Variants in KDR observed in about 807,000 individuals in gnomAD.
KDR encodes vascular endothelial growth factor receptor 2.
In KDR, 43 loss-of-function variants were observed where a neutral mutation model predicts 160.9. That is an observed-to-expected ratio of 0.27 (90% CI 0.21 to 0.34). KDR has a LOEUF of 0.34. KDR is among the 10% of genes least tolerant of loss of function. KDR has a pLI of 1.00. For missense variants in KDR, 1,469 were observed against 1,666.4 expected (o/e 0.88, Z 2.06); for synonymous variants, 617 against 600.1 (o/e 1.03, Z -0.41).
rs1467283293 is a variant in KDR at position 55,094,816 on chromosome 4, A to G, written c.2957T>C (p.Val986Ala). The G allele has an allele frequency of 1.9e-6, 3 of 1,613,898 alleles. No homozygotes were observed. The highest frequency in any genetic ancestry group is 1.7e-6 in the Non-Finnish European group (2 of 1,179,826). The change falls in exon 21 of 30, where the codon GTA (valine) becomes GCA (alanine). Residue 986 changes from valine (V) to alanine (A), a missense_variant. Val to Ala is a moderately conservative substitution (Grantham distance 64). This residue lies in a region of KDR where 151 missense variants were observed against 207.2 expected (regional missense o/e 0.73). Transcript: ENST00000263923. ...CTAGCCAGTACCTTCCTCTTCTTCT[A>G]CATCACTGAGGGACTTCTCCTCCAC... ...GFVEEKSLSDVEEEEAPEDLY... is the reference protein window; with the variant it reads ...GFVEEKSLSDAEEEEAPEDLY...
intron 7 of KDR, among the ~76,000 whole-genome samples, chr4:55,111,673 C>T (rs560391513): frequency 1.3e-5 from 2 of 152,318 alleles, no homozygotes; most frequent in Admixed American, 1.3e-4. Flanking sequence ...CAGAGCACAT[C>T]TCTCTCTGTG....
chr4:55,107,457 C>G (rs1031730545), intron 10 of KDR, among the ~76,000 whole-genome samples: 1 of 152,134 alleles, frequency 6.6e-6, no homozygotes, highest in Non-Finnish European at 1.5e-5. Context: ...AAACCAAAGA[C>G]TGGCAATTAG....
At chr4:55,112,523 AT>A (rs72203928) in intron 7 of KDR, among the ~76,000 whole-genome samples, 2,367 of 117,112 alleles carry the variant, frequency 0.02, 30 homozygotes, top group African/African-American at 0.053. Flanking sequence ...TTATACCTTG[AT>A]TTTTTTTTTT....
Position 55,096,240 on chromosome 4 carries a change from G to C in KDR, c.2717C>G (p.Thr906Ser), listed in dbSNP as rs759313869. 1 of 1,609,248 alleles carries C rather than the reference G, an allele frequency of 6.2e-7. No individual in the cohort carries two copies. Among genetic ancestry groups the C allele is most frequent in the Non-Finnish European group, 8.5e-7 (1 of 1,176,036 alleles). The change falls in exon 19 of 30, where the codon ACC becomes AGC. Residue 906 changes from threonine to serine, a missense_variant. Thr to Ser is a moderately conservative substitution (Grantham distance 58). Transcript: ENST00000263923. ...CCACAGTTACTCACCTCCTGGCTTG[G>C]TACAGGCACCTAGAAGGTTGACCAC... Reference protein sequence around the residue: ...LNVVNLLGACTKPGGPLMVIV... With the variant: ...LNVVNLLGACSKPGGPLMVIV...
In KDR at chr4:55,114,890, G is replaced by A. The variant is rs1307232636; in HGVS notation, c.642C>T (p.Tyr214=). The stretch of plus-strand genomic sequence containing the variant: ...TCCTCTTACCTACAACGACAACTAT[G>A]TACATAATAGACTGGTAACTTTCAT... ...INDESYQSIM[Y]IVVVVGYRIY... is the part of the protein sequence containing the mutation. The change falls in exon 5 of 30, where the codon TAC becomes TAT. Residue 214 remains tyrosine, a synonymous_variant. Coordinates refer to ENST00000263923, the MANE Select transcript of KDR (RefSeq NM_002253.4). 4 of 1,613,404 alleles carry A rather than the reference G, an allele frequency of 2.5e-6. No individual in the cohort carries two copies. Among genetic ancestry groups the A allele is most frequent in the Non-Finnish European group, 3.4e-6 (4 of 1,179,448 alleles).
At chr4:55,089,879 C>A (rs1467700201) in intron 23 of KDR, 77 bp from the exon 24 acceptor site, 1 of 1,606,008 alleles carries the variant, frequency 6.2e-7, no homozygotes, top group South Asian at 1.1e-5. Flanking sequence ...TGTTCCTGAA[C>A]ACAGGTCCTG....
At chr4:55,108,376 A>G (rs1720494741) in intron 9 of KDR, among the ~76,000 whole-genome samples, 1 of 152,166 alleles carries the variant, frequency 6.6e-6, no homozygotes, top group South Asian at 2.1e-4. Flanking sequence ...GGGAAAGGCT[A>G]CAGAAAACAG....
In KDR at chr4:55,097,730, A is replaced by C. The variant is rs781029740; in HGVS notation, c.2546T>G (p.Ile849Ser). 12 of 1,613,312 alleles carry C rather than the reference A, an allele frequency of 7.4e-6. No homozygotes were observed. The highest frequency in any genetic ancestry group is 2.2e-5 in the South Asian group (2 of 91,040). The change falls in exon 18 of 30, where the codon ATT becomes AGT. Residue 849 changes from isoleucine to serine, a missense_variant. Coordinates refer to ENST00000263923, the MANE Select transcript of KDR (RefSeq NM_002253.4). The stretch of plus-strand genomic sequence containing the variant: ...GTCAATTCCAAAGGCATCTGCTTCA[A>C]TCACTTGGCCAAAGGCACCACGGCC... ...PLGRGAFGQV[I>S]EADAFGIDKT... is the part of the protein sequence containing the mutation.
chr4:55,107,688 TAAGA>T, intron 10 of KDR, 45 bp downstream of exon 10: 1 of 1,612,296 alleles, frequency 6.2e-7, no homozygotes, highest in African/African-American at 1.3e-5. Flanking sequence ...AGCTCAGCTG[TAAGA>T]AATGCAAGAT....
intron 1 of KDR, among the ~76,000 whole-genome samples, 193 bp from the exon 2 acceptor site, chr4:55,121,383 T>C (rs949771446): frequency 2.0e-5 from 3 of 152,230 alleles, no homozygotes; most frequent in Non-Finnish European, 4.4e-5. Flanking sequence ...AATGGGCAGA[T>C]GGTCATAAAC....
chr4:55,092,487 G>A (rs1203619857), intron 22 of KDR, 130 bp downstream of exon 22: 1 of 731,838 alleles, frequency 1.4e-6, no homozygotes, highest in African/African-American at 1.7e-5. Flanking sequence ...CCCCAGTAGA[G>A]CTCTTCTAAA....
chr4:55,097,781 A>G lies in KDR; in HGVS notation c.2510-15T>C. The G allele has an allele frequency of 3.2e-6, 5 of 1,565,186 alleles. No individual in the cohort carries two copies. Among genetic ancestry groups the G allele is most frequent in the Non-Finnish European group, 3.5e-6 (4 of 1,136,388 alleles). On this transcript the variant is annotated splice_polypyrimidine_tract_variant and intron_variant, in intron 17 of 29. Coordinates refer to ENST00000263923, the MANE Select transcript of KDR (RefSeq NM_002253.4). ...AAGAGGCTTACCTAGAGTCAACAACAACAGCAACAAGAAAACAGACTTGGA... is the reference window on the plus strand; with the variant it reads ...AAGAGGCTTACCTAGAGTCAACAACGACAGCAACAAGAAAACAGACTTGGA...
chr4:55,114,629 G>A (rs577855679), intron 5 of KDR, among the ~76,000 whole-genome samples: 206 of 152,286 alleles, frequency 1.4e-3, no homozygotes, highest in Middle Eastern at 3.4e-3. Context: ...AAATGTGCTC[G>A]AGTAATACCA....
At chr4:55,091,373 T>C (rs1720008817) in intron 22 of KDR, among the ~76,000 whole-genome samples, 3 of 152,298 alleles carry the variant, frequency 2.0e-5, no homozygotes, top group South Asian at 4.1e-4. Flanking sequence ...GACAACCAAG[T>C]GGATTCAAGA....
chr4:55,085,258 C>T (rs1487770270), intron 27 of KDR, among the ~76,000 whole-genome samples: 1 of 152,178 alleles, frequency 6.6e-6, no homozygotes, highest in East Asian at 1.9e-4. Flanking sequence ...AAAGCTAAGT[C>T]TAGACATGAG....
intron 22 of KDR, among the ~76,000 whole-genome samples, chr4:55,092,010 T>C (rs764294044): frequency 2.6e-5 from 4 of 152,186 alleles, no homozygotes; most frequent in Non-Finnish European, 5.9e-5. Context: ...AACAAATACT[T>C]TTTGATGGAT....
At position 55,079,881 on chromosome 4, in the gene KDR, G is replaced by C. The variant is rs1127904; in HGVS notation, c.*60C>G. On this transcript the variant is annotated 3_prime_UTR_variant, in exon 30 of 30. Coordinates refer to ENST00000263923, the MANE Select transcript of KDR (RefSeq NM_002253.4). Reference sequence around the variant, plus strand: ...CCTGCTGGTGGAAAGAACAACACTTGAAAATCTGAGCAGCACCTCTCATGT... The same window carrying C: ...CCTGCTGGTGGAAAGAACAACACTTCAAAATCTGAGCAGCACCTCTCATGT... The C allele has an allele frequency of 7.0e-7, 1 of 1,437,268 alleles. No homozygotes were observed. The highest frequency in any genetic ancestry group is 1.4e-5 in the African/African-American group (1 of 71,320). The allele number at this position is 1,437,268 out of a possible 1,614,324, so 89.0% of individuals were successfully genotyped here. A position where few individuals can be genotyped will look rare whatever the true frequency, so the allele number is the denominator to read the frequency against.
intron 2 of KDR, among the ~76,000 whole-genome samples, chr4:55,119,433 C>T (rs1035475923): frequency 1.3e-5 from 2 of 152,104 alleles, no homozygotes; most frequent in African/African-American, 4.8e-5. Context: ...TTTATGGAAC[C>T]TCAGTCTAAC....
chr4:55,103,721 G>A lies in KDR; in HGVS notation c.1987+922C>T, dbSNP rs531571329. ...ATACGCCAAGGCCTCTGATGAAGAC[G>A]TTACCCTCTAAAACTGTGGTATAGA... is the stretch of plus-strand genomic sequence containing the variant. On this transcript the variant is annotated intron_variant, in intron 13 of 29. Transcript: ENST00000263923. 8.5e-5 allele frequency among the ~76,000 whole-genome samples: 13 copies of A among 152,066 alleles called. No homozygotes were observed. In the East Asian group the frequency reaches 1.5e-3, roughly 18 times the overall value.
Sources: allele counts gnomAD v4.1 joint callset (sites outside exome capture counted in the v4.1 genomes callset), GRCh38; gene constraint gnomAD v4.1.1; regional missense constraint gnomAD v4.1.1; transcripts MANE v1.5; gene names NCBI Gene and HGNC (gene_info 2026-07-23, HGNC 2026-07-21).